Variants in SLC35F1 observed in about 807,000 individuals in gnomAD.
The protein encoded by SLC35F1 is solute carrier family 35 member F1.
SLC35F1 carries 14 observed loss-of-function variants against 48.7 expected under a neutral mutation model. The observed-to-expected ratio is 0.29, with a 90% CI of 0.19 to 0.45. The LOEUF (loss-of-function observed/expected upper bound fraction) is 0.45, where lower values mean the gene tolerates loss of function less well. Among genes scored for constraint, SLC35F1 ranks in the 20% least tolerant of loss-of-function variants. The pLI is 1.00. For synonymous variants in SLC35F1, 190 were observed against 202.2 expected (o/e 0.94, Z 0.51); for missense variants, 404 against 500.0 (o/e 0.81, Z 1.83).
chr6:118,255,880 T>C (rs1775636686), intron 3 of SLC35F1, among the ~76,000 whole-genome samples: 1 of 152,154 alleles, frequency 6.6e-6, no homozygotes, highest in African/African-American at 2.4e-5. Context: ...AACATGAATA[T>C]TTTAAGACAG....
chr6:118,210,403 G>T (rs551380699), intron 2 of SLC35F1, among the ~76,000 whole-genome samples: 1 of 151,746 alleles, frequency 6.6e-6, no homozygotes, highest in African/African-American at 2.4e-5. Flanking sequence ...TGAGGTCAAG[G>T]GACAAAAAAA....
chr6:118,208,274 G>T lies in SLC35F1; in HGVS notation c.350-27235G>T, dbSNP rs550176350. Among the ~76,000 whole-genome samples, 7 of 152,290 alleles carry T rather than the reference G, an allele frequency of 4.6e-5. No homozygotes were observed. The East Asian group carries it at 1.4e-3, about 29-fold the overall frequency. On this transcript the variant is annotated intron_variant, in intron 2 of 7. Transcript: ENST00000360388. ...CAGTGGGTACCCTCCACTTAGCCAG[G>T]TTGTGATGAGATCTCCAGTTCTTTA...
intron 7 of SLC35F1, among the ~76,000 whole-genome samples, chr6:118,310,093 T>C (rs1281930422): frequency 6.6e-6 from 1 of 152,190 alleles, no homozygotes; most frequent in East Asian, 1.9e-4. Flanking sequence ...TCCAGTTAGA[T>C]AAAATGCAGG....
At chr6:117,911,843 C>T (rs929904755) in intron 1 of SLC35F1, among the ~76,000 whole-genome samples, 4 of 152,052 alleles carry the variant, frequency 2.6e-5, no homozygotes, top group Admixed American at 6.5e-5. Context: ...AGTTGATGAC[C>T]CTCTCAAAGA....
At chr6:118,025,974 A>G (rs1455106537) in intron 1 of SLC35F1, among the ~76,000 whole-genome samples, 1 of 152,182 alleles carries the variant, frequency 6.6e-6, no homozygotes, top group African/African-American at 2.4e-5. Flanking sequence ...TATTCATTCA[A>G]CACATGCTTT....
intron 2 of SLC35F1, among the ~76,000 whole-genome samples, chr6:118,202,618 A>C (rs1342137225): frequency 6.6e-6 from 1 of 152,248 alleles, no homozygotes; most frequent in Admixed American, 6.5e-5. Flanking sequence ...AGTGCTAACA[A>C]TGTGCCACAC....
At chr6:118,122,004 T>A (rs56714111) in intron 1 of SLC35F1, among the ~76,000 whole-genome samples, 2,517 of 152,182 alleles carry the variant, frequency 0.017, 74 homozygotes, top group African/African-American at 0.058. Flanking sequence ...CATTTCAAAG[T>A]TATATATTTT....
chr6:117,907,503 A>T lies in SLC35F1; in HGVS notation c.-224A>T. ...CGGGGCGGGCGGCGGCGGCGGCGGC[A>T]CGGGCGCGAGGGTGCGCGCACTGGG... is the stretch of plus-strand genomic sequence containing the variant. On this transcript the variant is annotated 5_prime_UTR_variant, in exon 1 of 8. Transcript: ENST00000360388. The T allele has an allele frequency of 3.7e-6, 1 of 267,430 alleles. No individual in the cohort carries two copies. Among genetic ancestry groups the T allele is most frequent in the Non-Finnish European group, 6.9e-6 (1 of 144,950 alleles). The allele number at this position is 267,430 out of a possible 1,614,324, so 16.6% of individuals were successfully genotyped here.
chr6:117,925,163 C>G (rs780237214), intron 1 of SLC35F1, among the ~76,000 whole-genome samples: 1 of 152,078 alleles, frequency 6.6e-6, no homozygotes, highest in Non-Finnish European at 1.5e-5. Flanking sequence ...TCCATTTTAC[C>G]TCAGATAGTT....
At chr6:118,037,654 T>G (rs1408228995) in intron 1 of SLC35F1, among the ~76,000 whole-genome samples, 1 of 152,026 alleles carries the variant, frequency 6.6e-6, no homozygotes, top group African/African-American at 2.4e-5. Context: ...ATAAAGAAAA[T>G]GTGGTACGTA....
chr6:118,009,935 A>G (rs776613908), intron 1 of SLC35F1, among the ~76,000 whole-genome samples: 1 of 152,160 alleles, frequency 6.6e-6, no homozygotes, highest in Non-Finnish European at 1.5e-5. Flanking sequence ...TTGTTAGCTT[A>G]CAAGGAAATT....
At chr6:118,002,476 G>A (rs1214177373) in intron 1 of SLC35F1, among the ~76,000 whole-genome samples, 2 of 151,918 alleles carry the variant, frequency 1.3e-5, no homozygotes, top group Admixed American at 6.6e-5. Context: ...GGGAGGGATA[G>A]CATTAGGAGA....
At chr6:118,138,047 A>T (rs1773823280) in intron 1 of SLC35F1, among the ~76,000 whole-genome samples, 2 of 152,090 alleles carry the variant, frequency 1.3e-5, no homozygotes, top group Admixed American at 1.3e-4. Flanking sequence ...AGTGGCTCAC[A>T]CGTGTATACC....
At chr6:118,270,163 C>T (rs79386861) in intron 4 of SLC35F1, among the ~76,000 whole-genome samples, 6,076 of 152,190 alleles carry the variant, frequency 0.04, 416 homozygotes, top group African/African-American at 0.14. Flanking sequence ...ATTCTGTCTC[C>T]AAGCACATTG....
intron 1 of SLC35F1, among the ~76,000 whole-genome samples, chr6:118,040,861 C>T (rs1255304260): frequency 6.6e-6 from 1 of 151,484 alleles, no homozygotes; most frequent in African/African-American, 2.4e-5. Flanking sequence ...CCCTAACCCC[C>T]AAACCTAAAC....
chr6:118,001,694 C>T (rs1777098132), intron 1 of SLC35F1, among the ~76,000 whole-genome samples: 1 of 152,088 alleles, frequency 6.6e-6, no homozygotes, highest in South Asian at 2.1e-4. Context: ...TTTTCACATC[C>T]TACTTATCTG....
At chr6:118,251,691 AAT>A (rs1320102823) in intron 3 of SLC35F1, among the ~76,000 whole-genome samples, 3 of 152,164 alleles carry the variant, frequency 2.0e-5, no homozygotes, top group Non-Finnish European at 4.4e-5. Context: ...AGAGATTCTA[AAT>A]AGTTTTAAGT....
intron 2 of SLC35F1, among the ~76,000 whole-genome samples, chr6:118,228,706 C>T (rs1775250631): frequency 6.6e-6 from 1 of 152,028 alleles, no homozygotes; most frequent in East Asian, 1.9e-4. Context: ...AAACAAAACA[C>T]ACAAAAAATA....
chr6:118,106,933 G>T (rs929282538), intron 1 of SLC35F1, among the ~76,000 whole-genome samples: 3 of 152,148 alleles, frequency 2.0e-5, no homozygotes, highest in African/African-American at 7.2e-5. Flanking sequence ...CCTCCTCACA[G>T]AAGGCTTTTC....
Sources: gnomAD v4.1 joint callset for allele counts (sites outside exome capture counted in the v4.1 genomes callset) on GRCh38, gnomAD v4.1.1 for gene constraint, MANE v1.5 for transcripts, NCBI Gene and HGNC (gene_info 2026-07-23, HGNC 2026-07-21) for gene names.